CCDC102B: variants seen among roughly 807,000 people sequenced by gnomAD.
CCDC102B encodes the protein coiled-coil domain containing 102B, also known as coiled-coil domain-containing protein 102B.
In CCDC102B, 75 loss-of-function variants were observed where a neutral mutation model predicts 57.4. The observed-to-expected ratio is 1.31, with a 90% CI of 1.08 to 1.58. The LOEUF (loss-of-function observed/expected upper bound fraction) is 1.58. CCDC102B is among the 40% of genes most tolerant of loss of function. CCDC102B has a pLI of 0.00. For missense variants in CCDC102B, 636 were observed against 582.6 expected, an observed-to-expected ratio of 1.09 and a Z score of -0.94; for synonymous variants, 206 against 201.9, an observed-to-expected ratio of 1.02 and a Z score of -0.17.
chr18:68,826,942 A>G (rs1193443682), intron 1 of CCDC102B, among the ~76,000 whole-genome samples: 2 of 152,168 alleles, frequency 1.3e-5, no homozygotes, highest in African/African-American at 4.8e-5. Flanking sequence ...TTGAACTTCT[A>G]ATACAAAATG....
chr18:69,056,835 T>C (rs927456313), downstream of CCDC102B, among the ~76,000 whole-genome samples: 7 of 152,020 alleles, frequency 4.6e-5, no homozygotes, highest in Non-Finnish European at 7.4e-5. Flanking sequence ...GTATAGCCAG[T>C]GTTACGCTAC....
At chr18:68,828,869 T>C (rs2037025303) in intron 1 of CCDC102B, among the ~76,000 whole-genome samples, 1 of 151,882 alleles carries the variant, frequency 6.6e-6, no homozygotes, top group South Asian at 2.1e-4. Context: ...AATACTGTTA[T>C]AATTTTAAAA....
At chr18:68,979,099 A>G (rs2050510671) in intron 6 of CCDC102B, among the ~76,000 whole-genome samples, 2 of 152,046 alleles carry the variant, frequency 1.3e-5, no homozygotes, top group South Asian at 4.1e-4. Context: ...TGCTGGCAAC[A>G]TTCTGTATTC....
chr18:68,910,739 T>C (rs2145068958), intron 6 of CCDC102B, among the ~76,000 whole-genome samples: 1 of 152,348 alleles, frequency 6.6e-6, no homozygotes, highest in Middle Eastern at 3.4e-3. Flanking sequence ...AATTGGCTCT[T>C]TATTCACATT....
At chr18:69,002,721 G>T (rs1441515789) in intron 6 of CCDC102B, among the ~76,000 whole-genome samples, 1 of 152,134 alleles carries the variant, frequency 6.6e-6, no homozygotes, top group Non-Finnish European at 1.5e-5. Context: ...CTTTAAGTGA[G>T]ATGAAAGTGA....
intron 2 of CCDC102B, among the ~76,000 whole-genome samples, chr18:68,757,489 CA>C (rs1171465877): frequency 2.6e-5 from 4 of 151,854 alleles, no homozygotes; most frequent in Admixed American, 2.6e-4. Context: ...ACTGGTCAAC[CA>C]GATGAAATTT....
At chr18:68,811,034 T>A (rs2036243401) in intron 1 of CCDC102B, among the ~76,000 whole-genome samples, 1 of 152,150 alleles carries the variant, frequency 6.6e-6, no homozygotes, top group Non-Finnish European at 1.5e-5. Context: ...GAACTCAACC[T>A]TTTTTATGGC....
At chr18:68,773,786 A>C (rs1305804615) in intron 2 of CCDC102B, among the ~76,000 whole-genome samples, 1 of 152,030 alleles carries the variant, frequency 6.6e-6, no homozygotes, top group African/African-American at 2.4e-5. Context: ...TTGTCTTAAA[A>C]TATTTGGGTG....
intron 2 of CCDC102B, among the ~76,000 whole-genome samples, chr18:68,791,624 ATG>A (rs769792111): frequency 1.2e-4 from 10 of 84,034 alleles, no homozygotes; most frequent in Admixed American, 2.9e-4. Context: ...GAGTGTGTGT[ATG>A]TGTGTGTGTG....
chr18:69,027,438 C>A, intron 7 of CCDC102B, among the ~76,000 whole-genome samples: 1 of 152,094 alleles, frequency 6.6e-6, no homozygotes. Flanking sequence ...TTGTACTCAG[C>A]CAATTTGTAT....
intron 1 of CCDC102B, among the ~76,000 whole-genome samples, chr18:68,807,363 A>G (rs2036071083): frequency 6.6e-6 from 1 of 152,112 alleles, no homozygotes. Flanking sequence ...CTCTTTTTTT[A>G]TAAATTAAAT....
In CCDC102B at chr18:68,815,997, A is replaced by G. The variant is rs75533486; in HGVS notation, c.-16+17816A>G. ...ACTCCCATATCTCATTCTTCGTTTT[A>G]TCTTTAAGTGTTTTGCTTTCCAAAT... On this transcript the variant is annotated intron_variant, in intron 1 of 7. Coordinates refer to ENST00000360242, the MANE Select transcript of CCDC102B (RefSeq NM_024781.3). Among the ~76,000 whole-genome samples the G allele has an allele frequency of 8.7e-3, 1,318 of 152,240 alleles. 25 individuals are homozygous for G. Among genetic ancestry groups the G allele is most frequent in the African/African-American group, 0.03 (1,249 of 41,530 alleles).
intron 6 of CCDC102B, among the ~76,000 whole-genome samples, chr18:68,945,731 T>C (rs1223984932): frequency 6.6e-6 from 1 of 152,120 alleles, no homozygotes; most frequent in Non-Finnish European, 1.5e-5. Flanking sequence ...TAGGAGAGCA[T>C]ATCCATATGC....
At chr18:68,795,975 A>G (rs2035615846), upstream of CCDC102B, among the ~76,000 whole-genome samples, 1 of 152,326 alleles carries the variant, frequency 6.6e-6, no homozygotes, top group African/African-American at 2.4e-5. Flanking sequence ...GGTCAGAAAG[A>G]TGAAAACATA....
Position 68,837,363 on chromosome 18 carries a change from T to G in CCDC102B, c.600T>G (p.Asn200Lys). ...KRQFSTKEDTNNKEQGVVIDS... is the reference protein window; with the variant it reads ...KRQFSTKEDTKNKEQGVVIDS... ...AATTTTCTACAAAGGAGGACACAAATAATAAGGTAAGAAAAAAATCCAGAG... is the reference window on the plus strand; with the variant it reads ...AATTTTCTACAAAGGAGGACACAAAGAATAAGGTAAGAAAAAAATCCAGAG... Residue 200 changes from asparagine (N) to lysine (K), a missense_variant, in exon 2 of 8, where the codon AAT (asparagine) becomes AAG (lysine). By Grantham distance (94) the Asn-to-Lys change is moderately conservative. Coordinates refer to ENST00000360242, the MANE Select transcript of CCDC102B (RefSeq NM_024781.3). 6.2e-7 allele frequency: 1 copy of G among 1,602,640 alleles called. No homozygotes were observed.
intron 1 of CCDC102B, among the ~76,000 whole-genome samples, chr18:68,819,649 A>G (rs368118700): frequency 6.6e-6 from 1 of 152,054 alleles, no homozygotes; most frequent in South Asian, 2.1e-4. Flanking sequence ...TTGAATACAT[A>G]GGTTGATTTA....
intron 7 of CCDC102B, among the ~76,000 whole-genome samples, chr18:69,018,417 T>C (rs1454123380): frequency 1.3e-5 from 2 of 152,190 alleles, no homozygotes; most frequent in African/African-American, 4.8e-5. Context: ...TTTTCTTTTC[T>C]CTACATCTTC....
upstream of CCDC102B, chr18:68,715,234 C>G (rs1480935521): frequency 1.3e-5 from 17 of 1,347,416 alleles, no homozygotes; most frequent in Non-Finnish European, 1.6e-5. Context: ...TTTGCGCTCT[C>G]GGTGCCCCCC....
intron 6 of CCDC102B, among the ~76,000 whole-genome samples, chr18:68,946,933 A>G (rs1237990359): frequency 1.3e-5 from 2 of 152,022 alleles, no homozygotes; most frequent in South Asian, 2.1e-4. Context: ...ATAATCCCCA[A>G]TGGATGCATC....
Sources: gnomAD v4.1 joint callset for allele counts (sites outside exome capture counted in the v4.1 genomes callset) on GRCh38, gnomAD v4.1.1 for gene constraint, MANE v1.5 for transcripts, NCBI Gene and HGNC (gene_info 2026-07-23, HGNC 2026-07-21) for gene names.